Variants in DIS3L observed in about 807,000 individuals in gnomAD.
DIS3L encodes the protein DIS3-like exonuclease 1.
In DIS3L, 100 loss-of-function variants were observed where a neutral mutation model predicts 120.3. The ratio of observed to expected loss-of-function variants is 0.83; its 90% CI spans 0.71 to 0.98. The LOEUF (loss-of-function observed/expected upper bound fraction) is 0.98, where lower values mean the gene tolerates loss of function less well. Among genes scored for constraint, DIS3L ranks in the 50% least tolerant of loss-of-function variants. The probability of loss-of-function intolerance (pLI) is 0.00; values close to 1 mark genes in which losing one functional copy is unlikely to be tolerated. For synonymous variants in DIS3L, 426 were observed against 470.6 expected (o/e 0.91, Z 1.23); for missense variants, 1,196 against 1,314.2 (o/e 0.91, Z 1.39).
Position 66,314,051 on chromosome 15 carries a change from G to A in DIS3L, c.748G>A (p.Val250Ile). Residue 250 changes from valine to isoleucine, a missense_variant, in exon 6 of 17, where the codon GTC (valine) becomes ATC (isoleucine). By Grantham distance (29) the Val-to-Ile change is conservative. Transcript: ENST00000319212. ...ATTATGATTTTAGGGAATTCTGAATGTCAACAAACACAGAGCCCAAATAGA... is the reference window on the plus strand; with the variant it reads ...ATTATGATTTTAGGGAATTCTGAATATCAACAAACACAGAGCCCAAATAGA... ...SGRYIQGILNVNKHRAQIEAF... is the reference protein window; with the variant it reads ...SGRYIQGILNINKHRAQIEAF... 6.5e-7 allele frequency: 1 copy of A among 1,547,418 alleles called. No individual in the cohort carries two copies. The highest frequency in any genetic ancestry group is 8.7e-7 in the Non-Finnish European group (1 of 1,149,794).
At chr15:66,328,697 T>G (rs2092964210) in intron 12 of DIS3L, among the ~76,000 whole-genome samples, 1 of 152,220 alleles carries the variant, frequency 6.6e-6, no homozygotes, top group Non-Finnish European at 1.5e-5. Context: ...TGACCACCTA[T>G]TATAGCCAAG....
chr15:66,295,699 A>G (rs1044456581), intron 2 of DIS3L, among the ~76,000 whole-genome samples: 2 of 152,242 alleles, frequency 1.3e-5, no homozygotes, highest in Admixed American at 1.3e-4. Flanking sequence ...CAAGTCTAAA[A>G]TTCTTGCCTA....
At chr15:66,324,682 TTA>T (rs2092918454) in intron 11 of DIS3L, among the ~76,000 whole-genome samples, 6 of 152,238 alleles carry the variant, frequency 3.9e-5, no homozygotes, top group African/African-American at 1.4e-4. Context: ...TTGTATTTTT[TTA>T]TCTTTGCCAA....
intron 2 of DIS3L, among the ~76,000 whole-genome samples, chr15:66,303,047 A>T (rs1053590891): frequency 5.9e-5 from 9 of 152,076 alleles, no homozygotes; most frequent in Non-Finnish European, 1.3e-4. Context: ...TCAGTACCTC[A>T]TGTAACTGGA....
chr15:66,311,592 G>A, intron 4 of DIS3L, 132 bp from the exon 5 acceptor site: 1 of 1,009,596 alleles, frequency 9.9e-7, no homozygotes, highest in Non-Finnish European at 1.5e-6. Context: ...GTGAGGCTCA[G>A]GAAGTCCTGC....
intron 7 of DIS3L, among the ~76,000 whole-genome samples, chr15:66,316,301 C>T (rs1159612500): frequency 6.9e-6 from 1 of 144,002 alleles, no homozygotes; most frequent in Non-Finnish European, 1.6e-5. Flanking sequence ...TTGGGGTTAT[C>T]CTTGACTTTT....
Position 66,326,105 on chromosome 15 carries a change from G to A in DIS3L, c.1942G>A (p.Ala648Thr), listed in dbSNP as rs2092933916. The change falls in exon 12 of 17, where the codon GCC (alanine) becomes ACC (threonine). Residue 648 changes from alanine to threonine, a missense_variant. Coordinates refer to ENST00000319212, the MANE Select transcript of DIS3L (RefSeq NM_001143688.3). ...CAGAGCTAAACGAGACGGATGTGGT[G>A]CCCTGGAACTGGAAGGGGTAGAGGT... ...HVRAKRDGCG[A>T]LELEGVEVCV... The A allele has an allele frequency of 2.0e-5, 32 of 1,614,198 alleles. No homozygotes were observed. The highest frequency in any genetic ancestry group is 2.5e-5 in the Non-Finnish European group (30 of 1,180,040).
intron 11 of DIS3L, among the ~76,000 whole-genome samples, chr15:66,325,223 G>A (rs1440672568): frequency 6.6e-6 from 1 of 152,060 alleles, no homozygotes; most frequent in Non-Finnish European, 1.5e-5. Context: ...GTGAAACCCC[G>A]TCTCTACTAA....
At chr15:66,330,228 C>T (rs1252307609) in intron 14 of DIS3L, 4 of 947,426 alleles carry the variant, frequency 4.2e-6, no homozygotes, top group Non-Finnish European at 5.0e-6. Flanking sequence ...ACCCGGGAGG[C>T]GGAGCTTGCA....
intron 1 of DIS3L, 115 bp from the exon 2 acceptor site, chr15:66,294,873 C>G (rs183855198): frequency 9.1e-7 from 1 of 1,100,330 alleles, no homozygotes; most frequent in East Asian, 2.6e-5. Flanking sequence ...CTTTTAAAAA[C>G]TCCCACCATG....
intron 14 of DIS3L, 195 bp downstream of exon 14, chr15:66,329,594 A>ATT: frequency 5.7e-5 from 58 of 1,018,458 alleles, no homozygotes; most frequent in Admixed American, 2.1e-4. Context: ...AGATTATCAG[A>ATT]TTTTTTTTTT....
intron 9 of DIS3L, 114 bp from the exon 10 acceptor site, chr15:66,322,573 G>A: frequency 6.8e-7 from 1 of 1,476,414 alleles, no homozygotes; most frequent in Middle Eastern, 1.8e-4. Flanking sequence ...GGTTGATGAA[G>A]AAGGTAATTG....
At chr15:66,294,136 G>T in intron 1 of DIS3L, 2 of 985,650 alleles carry the variant, frequency 2.0e-6, no homozygotes, top group Non-Finnish European at 2.4e-6. Flanking sequence ...GCCAGCTGCT[G>T]CCGCTGCGAA....
Position 66,323,478 on chromosome 15 carries a change from G to C in DIS3L, c.1575-15G>C, listed in dbSNP as rs1291012495. On this transcript the variant is annotated splice_polypyrimidine_tract_variant and intron_variant, in intron 10 of 16. Coordinates refer to ENST00000319212, the MANE Select transcript of DIS3L (RefSeq NM_001143688.3). The stretch of plus-strand genomic sequence containing the variant: ...CCTGCTAAAGGTCGCGTTGCCGCGT[G>C]TGTGTCATTCACAGGGCCACCACTT... The C allele has an allele frequency of 2.5e-6, 4 of 1,614,040 alleles. No individual in the cohort carries two copies. The highest frequency in any genetic ancestry group is 3.4e-6 in the Non-Finnish European group (4 of 1,179,970).
intron 14 of DIS3L, chr15:66,330,648 T>A: frequency 1.9e-6 from 1 of 533,888 alleles, no homozygotes; most frequent in Non-Finnish European, 2.4e-6. Context: ...CCACATTGTA[T>A]AGCTCAGTGG....
chr15:66,333,330 A>G lies in DIS3L; in HGVS notation c.*18A>G. On this transcript the variant is annotated 3_prime_UTR_variant, in exon 17 of 17. Coordinates refer to ENST00000319212, the MANE Select transcript of DIS3L (RefSeq NM_001143688.3). The stretch of plus-strand genomic sequence containing the variant: ...GAATATGAGAGGCTCTTACTTCACT[A>G]AGAGCTGTCATATGTGAATGTTTTA... The G allele has an allele frequency of 1.3e-6, 2 of 1,575,266 alleles. No individual in the cohort carries two copies. The highest frequency in any genetic ancestry group is 1.7e-6 in the Non-Finnish European group (2 of 1,165,320).
At chr15:66,308,909 T>G in intron 4 of DIS3L, 65 bp downstream of exon 4, 1 of 1,512,120 alleles carries the variant, frequency 6.6e-7, no homozygotes, top group East Asian at 2.3e-5. Flanking sequence ...AGGCTCTAGA[T>G]CCCTTTGGTA....
chr15:66,326,143 A>G lies in DIS3L; in HGVS notation c.1980A>G (p.Leu660=). The change falls in exon 12 of 17, where the codon CTA becomes CTG. Residue 660 remains leucine (L), a synonymous_variant. Transcript: ENST00000319212. The part of the protein sequence containing the change: ...ELEGVEVCVQ[L]DDKKNIHDLI... ...AAGGGGTAGAGGTTTGCGTACAGCT[A>G]GATGACAAAAAGAACATTCACGACC... The G allele has an allele frequency of 2.5e-6, 4 of 1,614,224 alleles. No individual in the cohort carries two copies. The highest frequency in any genetic ancestry group is 3.4e-6 in the Non-Finnish European group (4 of 1,180,038).
chr15:66,316,180 G>C (rs897798782), intron 7 of DIS3L, among the ~76,000 whole-genome samples: 1 of 152,086 alleles, frequency 6.6e-6, no homozygotes, highest in Non-Finnish European at 1.5e-5. Context: ...GGGCATCTCA[G>C]ACTTAACGTG....
Sources: gnomAD v4.1 joint callset for allele counts (sites outside exome capture counted in the v4.1 genomes callset) on GRCh38, gnomAD v4.1.1 for gene constraint, MANE v1.5 for transcripts, NCBI Gene and HGNC (gene_info 2026-07-23, HGNC 2026-07-21) for gene names.